Variants in SUSD6 observed in about 807,000 individuals in gnomAD.
SUSD6 encodes the protein sushi domain containing 6.
A neutral mutation model predicts 28.4 loss-of-function variants in SUSD6; 16 were observed. The observed-to-expected ratio is 0.56, with a 90% CI of 0.38 to 0.86. SUSD6 has a LOEUF of 0.86. SUSD6 is among the 40% of genes least tolerant of loss of function. The probability of loss-of-function intolerance (pLI) is 0.00; values close to 1 mark genes in which losing one functional copy is unlikely to be tolerated. For synonymous variants in SUSD6, 147 were observed against 159.6 expected (o/e 0.92, Z 0.59); for missense variants, 341 against 384.2 (o/e 0.89, Z 0.94).
At chr14:69,625,878 G>A (rs1022938137) in intron 1 of SUSD6, among the ~76,000 whole-genome samples, 1 of 152,114 alleles carries the variant, frequency 6.6e-6, no homozygotes, top group Non-Finnish European at 1.5e-5. Context: ...CACACCACCC[G>A]CGTCTGCTCA....
intron 1 of SUSD6, among the ~76,000 whole-genome samples, chr14:69,628,140 C>T (rs1364321432): frequency 1.3e-5 from 2 of 151,994 alleles, no homozygotes; most frequent in African/African-American, 4.8e-5. Flanking sequence ...ACCATGTTGG[C>T]CAGGCTGGTC....
At chr14:69,703,940 T>A (rs553403038) in intron 3 of SUSD6, 1 of 260,164 alleles carries the variant, frequency 3.8e-6, no homozygotes, top group East Asian at 1.0e-4. Flanking sequence ...TCCATTTCAT[T>A]TTTCCTTGAA....
intron 1 of SUSD6, among the ~76,000 whole-genome samples, chr14:69,614,958 T>C (rs1337569745): frequency 6.6e-6 from 1 of 152,256 alleles, no homozygotes. Flanking sequence ...AATGACATGC[T>C]ATCTCCTAGT....
intron 2 of SUSD6, among the ~76,000 whole-genome samples, chr14:69,679,582 T>G (rs963135616): frequency 6.6e-6 from 1 of 151,888 alleles, no homozygotes; most frequent in Non-Finnish European, 1.5e-5. Flanking sequence ...ATTTTGCTTT[T>G]TTTTTTTTTT....
chr14:69,680,853 T>C (rs551661484), intron 2 of SUSD6, among the ~76,000 whole-genome samples: 70 of 152,328 alleles, frequency 4.6e-4, no homozygotes, highest in Non-Finnish European at 8.5e-4. Context: ...ATTCCTTTAG[T>C]CTTCCCACTG....
chr14:69,711,620 T>C lies in SUSD6; in HGVS notation c.*641T>C, dbSNP rs945310. On this transcript the variant is annotated 3_prime_UTR_variant, in exon 6 of 6. Transcript: ENST00000342745. ...GACCCTGGTGGCATATTTCCTTGGC[T>C]GAGGATGGAAGATTTGGAGAATCAT... 139,148 of 152,370 alleles carry C rather than the reference T, an allele frequency of 0.91. 63,732 individuals carry two copies. Among genetic ancestry groups the C allele is most frequent in the African/African-American group, 0.98 (40,714 of 41,552 alleles). The allele number at this position is 152,370 out of a possible 1,614,324, so 9.4% of individuals were successfully genotyped here.
chr14:69,672,221 G>A (rs1885843835), intron 2 of SUSD6, among the ~76,000 whole-genome samples: 1 of 152,110 alleles, frequency 6.6e-6, no homozygotes, highest in South Asian at 2.1e-4. Flanking sequence ...CCAAACCTAT[G>A]GAATCGAAAT....
chr14:69,673,408 C>T (rs753652232), intron 2 of SUSD6, among the ~76,000 whole-genome samples: 13 of 152,052 alleles, frequency 8.5e-5, no homozygotes, highest in Admixed American at 2.0e-4. Context: ...TTGAGAACCA[C>T]CAATTTATAC....
chr14:69,692,548 CTT>C (rs1886168088), intron 2 of SUSD6, among the ~76,000 whole-genome samples: 1 of 152,192 alleles, frequency 6.6e-6, no homozygotes, highest in African/African-American at 2.4e-5. Flanking sequence ...TAGGATAACA[CTT>C]TTAAAGTACC....
At chr14:69,645,672 A>G (rs1426286025) in intron 1 of SUSD6, among the ~76,000 whole-genome samples, 1 of 152,078 alleles carries the variant, frequency 6.6e-6, no homozygotes, top group African/African-American at 2.4e-5. Context: ...AACCCCCTCT[A>G]GTTATCATCC....
intron 1 of SUSD6, among the ~76,000 whole-genome samples, chr14:69,644,691 G>T (rs1457728142): frequency 6.6e-6 from 1 of 151,932 alleles, no homozygotes; most frequent in Admixed American, 6.6e-5. Flanking sequence ...CATCTGATTT[G>T]CCTGGATTTT....
intron 2 of SUSD6, among the ~76,000 whole-genome samples, chr14:69,686,290 A>G (rs1886072262): frequency 6.6e-6 from 1 of 152,242 alleles, no homozygotes; most frequent in Admixed American, 6.5e-5. Flanking sequence ...AAGGCAGGCT[A>G]TAATTAGATA....
chr14:69,679,009 A>G (rs575586466), intron 2 of SUSD6, among the ~76,000 whole-genome samples: 33 of 152,346 alleles, frequency 2.2e-4, no homozygotes, highest in Non-Finnish European at 3.7e-4. Flanking sequence ...CTACTGATGT[A>G]TAAGAAGATT....
chr14:69,615,562 C>T (rs759154633), intron 1 of SUSD6: 1 of 152,272 alleles, frequency 6.6e-6, no homozygotes, highest in Non-Finnish European at 1.5e-5. Context: ...CATTTGCTCT[C>T]TCATCCTCTG....
In SUSD6 at chr14:69,714,998, T is replaced by A. The variant is rs893302029; in HGVS notation, c.*4019T>A. On this transcript the variant is annotated 3_prime_UTR_variant, in exon 6 of 6. Coordinates refer to ENST00000342745, the MANE Select transcript of SUSD6 (RefSeq NM_014734.4). ...CAGTTTGGGTTTGCTTTATTTTATT[T>A]TATATATATATTTTTTGGTATCCTG... 6.6e-5 allele frequency: 10 copies of A among 152,194 alleles called. No individual in the cohort carries two copies. The highest frequency in any genetic ancestry group is 2.6e-4 in the Admixed American group (4 of 15,280). 9.4% of individuals were successfully genotyped at this position (152,194 alleles called of 1,614,324 possible). A position where few individuals can be genotyped will look rare whatever the true frequency, so the allele number is the denominator to read the frequency against.
intron 1 of SUSD6, chr14:69,615,849 G>A (rs1266466439): frequency 6.6e-6 from 1 of 152,186 alleles, no homozygotes; most frequent in Non-Finnish European, 1.5e-5. Context: ...AAGGCTGCGT[G>A]CCAAGAATTC....
At chr14:69,689,305 C>G (rs372488466) in intron 2 of SUSD6, among the ~76,000 whole-genome samples, 11 of 152,160 alleles carry the variant, frequency 7.2e-5, no homozygotes, top group African/African-American at 2.4e-4. Context: ...TATCTTTCCA[C>G]CTGCCTACCT....
chr14:69,613,747 A>G (rs1309334149), intron 1 of SUSD6, among the ~76,000 whole-genome samples: 1 of 152,216 alleles, frequency 6.6e-6, no homozygotes, highest in Non-Finnish European at 1.5e-5. Flanking sequence ...CCTGATAGAT[A>G]GGACTTCCTG....
chr14:69,612,773 C>G (rs1391725034), intron 1 of SUSD6, among the ~76,000 whole-genome samples: 11 of 152,186 alleles, frequency 7.2e-5, no homozygotes, highest in Non-Finnish European at 2.9e-5. Context: ...GTGTGCTCTT[C>G]CAGAGGTGCA....
Sources: gnomAD v4.1 joint callset for allele counts (sites outside exome capture counted in the v4.1 genomes callset) on GRCh38, gnomAD v4.1.1 for gene constraint, MANE v1.5 for transcripts, NCBI Gene and HGNC (gene_info 2026-07-23, HGNC 2026-07-21) for gene names.